The following WWOX variants were observed in gnomAD, a reference collection of about 807,000 sequenced individuals.
WWOX encodes WW domain containing oxidoreductase.
Under a neutral mutation model 46.2 loss-of-function variants are expected in WWOX, and 69 were observed. That is an observed-to-expected ratio of 1.49 (90% confidence interval 1.23 to 1.82). The LOEUF (loss-of-function observed/expected upper bound fraction) is 1.82, where lower values mean the gene tolerates loss of function less well. WWOX is among the 40% of genes most tolerant of loss of function. The pLI is 0.00. For synonymous variants in WWOX, 359 were observed against 202.6 expected (o/e 1.77, Z -6.56); for missense variants, 919 against 542.6 (o/e 1.69, Z -6.89).
At chr16:78,581,834 C>T (rs1320586211) in intron 8 of WWOX, among the ~76,000 whole-genome samples, 1 of 152,128 alleles carries the variant, frequency 6.6e-6, no homozygotes, top group Admixed American at 6.6e-5. Flanking sequence ...GATTTCATAT[C>T]CTTTTATTTC....
intron 4 of WWOX, among the ~76,000 whole-genome samples, chr16:78,149,199 G>C (rs561893478): frequency 6.6e-6 from 1 of 152,194 alleles, no homozygotes; most frequent in East Asian, 1.9e-4. Context: ...TTTAAAGTTT[G>C]ACAGTGAAGA....
At position 78,738,316 on chromosome 16, in the gene WWOX, C is replaced by T. The variant is rs576881070; in HGVS notation, c.1056+305564C>T. 6.6e-4 allele frequency among the ~76,000 whole-genome samples: 101 copies of T among 152,142 alleles called. 1 individual carries two copies. The Middle Eastern group carries it at 0.014, about 20-fold the overall frequency. ...GTGTCTGGGTGAAACAGAGCAATCACAATGATTGTTTTTTCAGTATGGTAA... is the reference window on the plus strand; with the variant it reads ...GTGTCTGGGTGAAACAGAGCAATCATAATGATTGTTTTTTCAGTATGGTAA... On this transcript the variant is annotated intron_variant, in intron 8 of 8. Transcript: ENST00000566780.
chr16:79,200,610 C>T (rs1005293816), intron 8 of WWOX, among the ~76,000 whole-genome samples: 6 of 152,098 alleles, frequency 3.9e-5, no homozygotes, highest in African/African-American at 1.2e-4. Context: ...TCTCAGTAAC[C>T]AGCAGTCATC....
intron 8 of WWOX, among the ~76,000 whole-genome samples, chr16:78,584,647 A>G (rs1255469232): frequency 3.3e-5 from 5 of 152,206 alleles, no homozygotes; most frequent in Admixed American, 3.3e-4. Flanking sequence ...CTGTTCTATG[A>G]TACCACTTGT....
At chr16:79,033,853 C>T (rs977027995) in intron 8 of WWOX, among the ~76,000 whole-genome samples, 1 of 152,188 alleles carries the variant, frequency 6.6e-6, no homozygotes, top group African/African-American at 2.4e-5. Flanking sequence ...ATTTATGATA[C>T]TGGATTCTCA....
At chr16:79,085,673 C>T (rs2048841329) in intron 8 of WWOX, among the ~76,000 whole-genome samples, 1 of 152,056 alleles carries the variant, frequency 6.6e-6, no homozygotes, top group South Asian at 2.1e-4. Context: ...ACTGTTAGTA[C>T]CTAGAAAAAT....
At chr16:78,825,464 A>G in intron 8 of WWOX, 1 of 421,578 alleles carries the variant, frequency 2.4e-6, no homozygotes, top group South Asian at 1.9e-5. Flanking sequence ...CCTGGTGAGA[A>G]CAGCCAGGGA....
chr16:78,817,011 G>C (rs1171306945), intron 8 of WWOX, among the ~76,000 whole-genome samples: 1 of 152,118 alleles, frequency 6.6e-6, no homozygotes, highest in Admixed American at 6.5e-5. Context: ...CTTGGCTTGG[G>C]TTCTGACCAA....
intron 8 of WWOX, among the ~76,000 whole-genome samples, chr16:78,613,553 G>C (rs188360921): frequency 6.6e-6 from 1 of 152,232 alleles, no homozygotes; most frequent in Admixed American, 6.5e-5. Flanking sequence ...ATTATCTGAT[G>C]GAATTGACCC....
At chr16:78,907,725 A>G (rs1306499679) in intron 8 of WWOX, among the ~76,000 whole-genome samples, 1 of 152,194 alleles carries the variant, frequency 6.6e-6, no homozygotes, top group Non-Finnish European at 1.5e-5. Flanking sequence ...TAGAGGGAGT[A>G]TTACCTTAGA....
At chr16:79,159,540 T>C (rs937006940) in intron 8 of WWOX, among the ~76,000 whole-genome samples, 1 of 152,148 alleles carries the variant, frequency 6.6e-6, no homozygotes, top group Non-Finnish European at 1.5e-5. Context: ...ACCAGGGCAC[T>C]CAGATGCTGG....
At chr16:78,612,114 C>G (rs990021279) in intron 8 of WWOX, among the ~76,000 whole-genome samples, 5 of 152,192 alleles carry the variant, frequency 3.3e-5, no homozygotes, top group African/African-American at 1.2e-4. Flanking sequence ...AATGAGGAAA[C>G]TTGTATTACC....
chr16:78,632,227 A>G (rs976106627), intron 8 of WWOX, among the ~76,000 whole-genome samples: 6 of 152,144 alleles, frequency 3.9e-5, no homozygotes, highest in Admixed American at 6.5e-5. Context: ...TTATATCTGT[A>G]CAATGGGGTT....
chr16:78,996,458 A>C (rs113306869), intron 8 of WWOX: 11 of 407,062 alleles, frequency 2.7e-5, no homozygotes, highest in African/African-American at 2.2e-4. Context: ...AGTGCTCAGC[A>C]CTGGGCCGGA....
At chr16:78,118,562 A>G (rs1445036734) in intron 4 of WWOX, among the ~76,000 whole-genome samples, 1 of 152,080 alleles carries the variant, frequency 6.6e-6, no homozygotes, top group Non-Finnish European at 1.5e-5. Context: ...ATAATGTTGA[A>G]CTACTGTTTG....
chr16:78,846,427 C>G (rs1328717385), intron 8 of WWOX, among the ~76,000 whole-genome samples: 2 of 152,024 alleles, frequency 1.3e-5, no homozygotes, highest in African/African-American at 4.8e-5. Flanking sequence ...GTTTCTCATG[C>G]ATTATTTTTT....
intron 8 of WWOX, among the ~76,000 whole-genome samples, chr16:79,092,183 C>T (rs965434650): frequency 6.6e-6 from 1 of 152,126 alleles, no homozygotes; most frequent in African/African-American, 2.4e-5. Context: ...CTTCCTACTT[C>T]ATTTTCTTGT....
At chr16:78,158,437 T>C (rs566191008) in intron 4 of WWOX, among the ~76,000 whole-genome samples, 2 of 152,258 alleles carry the variant, frequency 1.3e-5, no homozygotes, top group East Asian at 3.9e-4. Context: ...GTTCAAGCTC[T>C]GGATTAGACT....
intron 8 of WWOX, chr16:78,873,628 T>C (rs2044173681): frequency 1.3e-5 from 2 of 151,898 alleles, no homozygotes; most frequent in Admixed American, 1.3e-4. Context: ...CTCTATAAAA[T>C]ATTTTTTAAA....
Sources: gnomAD v4.1 joint callset for allele counts (sites outside exome capture counted in the v4.1 genomes callset) on GRCh38, gnomAD v4.1.1 for gene constraint, MANE v1.5 for transcripts, NCBI Gene and HGNC (gene_info 2026-07-23, HGNC 2026-07-21) for gene names.